ZNF560: variants seen among roughly 807,000 people sequenced by gnomAD.
ZNF560 encodes zinc finger protein 560.
ZNF560 carries 54 observed loss-of-function variants against 81.8 expected under a neutral mutation model. The observed-to-expected ratio is 0.66, with a 90% CI of 0.53 to 0.83. The LOEUF is 0.83. ZNF560 is among the 40% of genes least tolerant of loss of function. ZNF560 has a pLI of 0.00. For missense variants in ZNF560, 940 were observed against 932.4 expected (o/e 1.01, Z -0.11); for synonymous variants, 321 against 317.9 (o/e 1.01, Z -0.10).
chr19:9,478,627 C>T (rs1021635781), intron 2 of ZNF560, among the ~76,000 whole-genome samples: 1 of 151,944 alleles, frequency 6.6e-6, no homozygotes, highest in Non-Finnish European at 1.5e-5. Flanking sequence ...ATGTAAATTA[C>T]AATATCAGAA....
At chr19:9,499,930 TG>T (rs1243830508), upstream of ZNF560, among the ~76,000 whole-genome samples, 3 of 152,242 alleles carry the variant, frequency 2.0e-5, no homozygotes, top group Non-Finnish European at 4.4e-5. Context: ...GATGTTGTAC[TG>T]TGCAACTTTA....
At position 9,474,331 on chromosome 19, in the gene ZNF560, C is replaced by T. The variant is rs367994878; in HGVS notation, c.31-6G>A. The T allele has an allele frequency of 1.2e-6, 2 of 1,606,400 alleles. No individual in the cohort carries two copies. Among genetic ancestry groups the T allele is most frequent in the Non-Finnish European group, 1.7e-6 (2 of 1,175,980 alleles). ...TCCTCAAAGGTCACGGAGTACTAAACCATCACATACATGTTGATTTGAGCC... is the reference window on the plus strand; with the variant it reads ...TCCTCAAAGGTCACGGAGTACTAAATCATCACATACATGTTGATTTGAGCC... On this transcript the variant is annotated splice_region_variant and splice_polypyrimidine_tract_variant and intron_variant, in intron 3 of 9. Transcript: ENST00000301480.
At chr19:9,487,321 C>T (rs115059117) in intron 2 of ZNF560, among the ~76,000 whole-genome samples, 51 of 152,342 alleles carry the variant, frequency 3.3e-4, no homozygotes, top group African/African-American at 1.2e-3. Context: ...AAGCATTTTA[C>T]TTATATGGCC....
intron 2 of ZNF560, among the ~76,000 whole-genome samples, chr19:9,493,593 G>A (rs1226621153): frequency 1.3e-4 from 19 of 151,904 alleles, no homozygotes; most frequent in Non-Finnish European, 2.2e-4. Context: ...AACTCCTGAC[G>A]TCAAGTGATC....
downstream of ZNF560, among the ~76,000 whole-genome samples, chr19:9,462,165 A>G (rs549413506): frequency 6.6e-6 from 1 of 152,342 alleles, no homozygotes; most frequent in East Asian, 1.9e-4. Flanking sequence ...GCCATAAGAA[A>G]AGTCATAAAC....
chr19:9,475,823 T>A (rs189480398), intron 2 of ZNF560, among the ~76,000 whole-genome samples: 1 of 152,002 alleles, frequency 6.6e-6, no homozygotes, highest in Admixed American at 6.6e-5. Context: ...ACCCAGGATG[T>A]TCTCCATCTC....
chr19:9,463,728 G>T (rs2072971385), downstream of ZNF560, among the ~76,000 whole-genome samples: 3 of 152,142 alleles, frequency 2.0e-5, no homozygotes, highest in Admixed American at 2.0e-4. Context: ...TGTCACCCAG[G>T]TTGGAGTCCA....
chr19:9,506,274 T>C, the ZNF560 span, among the ~76,000 whole-genome samples: 1 of 152,042 alleles, frequency 6.6e-6, no homozygotes, highest in African/African-American at 2.4e-5. Flanking sequence ...ATTACAGGAG[T>C]GAGCCACTGC....
In ZNF560 at chr19:9,469,669, C is replaced by T. The variant is rs2073092046; in HGVS notation, c.490G>A (p.Glu164Lys). 1.2e-6 allele frequency: 2 copies of T among 1,614,224 alleles called. No individual in the cohort carries two copies. The highest frequency in any genetic ancestry group is 1.1e-5 in the South Asian group (1 of 91,086). ...GGCAGTGTGCTCAACTCTTCCTCTTCCTCCAGCCAAGAGATCAGACTGGGT... is the reference window on the plus strand; with the variant it reads ...GGCAGTGTGCTCAACTCTTCCTCTTTCTCCAGCCAAGAGATCAGACTGGGT... ...FKPSLISWLE[E>K]EEELSTLPRV... The change falls in exon 8 of 10, where the codon GAA becomes AAA. Residue 164 changes from glutamate (E) to lysine (K), a missense_variant. Transcript: ENST00000301480.
At chr19:9,483,703 C>T (rs1325627615) in intron 2 of ZNF560, among the ~76,000 whole-genome samples, 6 of 146,198 alleles carry the variant, frequency 4.1e-5, no homozygotes, top group African/African-American at 7.6e-5. Flanking sequence ...GCCGCCGCCC[C>T]GTCTGGGAGG....
chr19:9,467,141 A>G lies in ZNF560; in HGVS notation c.1806T>C (p.Cys602=), dbSNP rs748390821. ...CTGTGAAGGCTTTTCCACATTTCTTACATTCATATGGCTTCTCTCCACTGT... is the reference window on the plus strand; with the variant it reads ...CTGTGAAGGCTTTTCCACATTTCTTGCATTCATATGGCTTCTCTCCACTGT... The part of the protein sequence containing the change: ...RRHSGEKPYE[C]KKCGKAFTER... The change falls in exon 10 of 10, where the codon TGT becomes TGC. Residue 602 remains cysteine, a synonymous_variant. Transcript: ENST00000301480. 2 of 1,614,008 alleles carry G rather than the reference A, an allele frequency of 1.2e-6. No individual in the cohort carries two copies. The highest frequency in any genetic ancestry group is 2.2e-5 in the South Asian group (2 of 91,076).
At chr19:9,448,293 A>G in the ZNF560 span, among the ~76,000 whole-genome samples, 102,966 of 151,412 alleles carry the variant, frequency 0.68, 36,038 homozygotes, top group African/African-American at 0.84. Flanking sequence ...GTGCAATGAC[A>G]CGATCTTGGC....
At chr19:9,505,831 T>A in the ZNF560 span, among the ~76,000 whole-genome samples, 3 of 152,178 alleles carry the variant, frequency 2.0e-5, no homozygotes, top group East Asian at 5.8e-4. Flanking sequence ...ACCTGGCTAA[T>A]TTTTGTATTT....
At chr19:9,504,196 G>A in the ZNF560 span, among the ~76,000 whole-genome samples, 6 of 152,254 alleles carry the variant, frequency 3.9e-5, no homozygotes, top group African/African-American at 1.2e-4. Context: ...CATTTTGGGA[G>A]GCCAAGAGTG....
chr19:9,460,120 C>T, the ZNF560 span, among the ~76,000 whole-genome samples: 31 of 152,218 alleles, frequency 2.0e-4, no homozygotes, highest in East Asian at 4.4e-3. Context: ...TGGGTGCCAT[C>T]GAGATATCTA....
chr19:9,490,227 C>T (rs2073449807), intron 2 of ZNF560, among the ~76,000 whole-genome samples: 2 of 152,192 alleles, frequency 1.3e-5, no homozygotes, highest in African/African-American at 4.8e-5. Context: ...GGAATACTTC[C>T]ATTCTTGAAA....
chr19:9,492,241 A>G (rs1177804718), intron 2 of ZNF560, among the ~76,000 whole-genome samples: 1 of 152,082 alleles, frequency 6.6e-6, no homozygotes, highest in Non-Finnish European at 1.5e-5. Context: ...AAGGGCATTA[A>G]TTTCTAGAGT....
intron 2 of ZNF560, among the ~76,000 whole-genome samples, chr19:9,480,445 A>G (rs2144705742): frequency 6.6e-6 from 1 of 152,214 alleles, no homozygotes; most frequent in Non-Finnish European, 1.5e-5. Context: ...ATGAAAAAAG[A>G]AAATCACAAG....
At chr19:9,496,037 T>C (rs898905959) in intron 2 of ZNF560, among the ~76,000 whole-genome samples, 2 of 152,226 alleles carry the variant, frequency 1.3e-5, no homozygotes, top group East Asian at 3.8e-4. Flanking sequence ...ATTAAATGTA[T>C]ATTTGTCCTC....
Sources: gnomAD v4.1 joint callset for allele counts (sites outside exome capture counted in the v4.1 genomes callset) on GRCh38, gnomAD v4.1.1 for gene constraint, MANE v1.5 for transcripts, NCBI Gene and HGNC (gene_info 2026-07-23, HGNC 2026-07-21) for gene names.